RASAL2: variants seen among roughly 807,000 people sequenced by gnomAD.
RASAL2 encodes the protein RAS protein activator like 2, also known as ras GTPase-activating protein nGAP.
Under a neutral mutation model 128.9 loss-of-function variants are expected in RASAL2, and 58 were observed. The observed-to-expected ratio is 0.45, with a 90% CI of 0.36 to 0.56. RASAL2 has a LOEUF of 0.56. RASAL2 is among the 20% of genes least tolerant of loss of function. RASAL2 has a pLI of 0.00. For missense variants in RASAL2, 1,360 were observed against 1,601.6 expected, an observed-to-expected ratio of 0.85 and a Z score of 2.57; for synonymous variants, 561 against 580.8, an observed-to-expected ratio of 0.97 and a Z score of 0.49.
intron 1 of RASAL2, among the ~76,000 whole-genome samples, chr1:178,268,664 G>T (rs1666101104): frequency 6.6e-6 from 1 of 152,056 alleles, no homozygotes; most frequent in African/African-American, 2.4e-5. Context: ...TTGCTCCTTT[G>T]TCCAGGCTGA....
intron 1 of RASAL2, among the ~76,000 whole-genome samples, chr1:178,106,423 C>T (rs1439005446): frequency 6.6e-6 from 1 of 152,158 alleles, no homozygotes; most frequent in Non-Finnish European, 1.5e-5. Context: ...AAACCCAAGG[C>T]CTTTCTGTTG....
intron 1 of RASAL2, among the ~76,000 whole-genome samples, chr1:178,099,974 A>G (rs868545781): frequency 6.6e-6 from 1 of 152,042 alleles, no homozygotes; most frequent in Non-Finnish European, 1.5e-5. Context: ...AAAAAACAAA[A>G]TCATACCAAG....
chr1:178,243,264 C>A (rs2102058873), intron 1 of RASAL2, among the ~76,000 whole-genome samples: 1 of 152,274 alleles, frequency 6.6e-6, no homozygotes, highest in African/African-American at 2.4e-5. Context: ...CTACCGATCC[C>A]TGCTGGTGCT....
chr1:178,184,186 A>G (rs1662212951), intron 1 of RASAL2, among the ~76,000 whole-genome samples: 2 of 152,096 alleles, frequency 1.3e-5, no homozygotes, highest in African/African-American at 2.4e-5. Flanking sequence ...GAGTCTTTGT[A>G]TATTTTGGAT....
intron 3 of RASAL2, among the ~76,000 whole-genome samples, chr1:178,358,766 C>G (rs1670954630): frequency 6.6e-6 from 1 of 152,114 alleles, no homozygotes; most frequent in Non-Finnish European, 1.5e-5. Flanking sequence ...CCCAGAGATT[C>G]TATTCCTATG....
Position 178,459,441 on chromosome 1 carries a change from G to T in RASAL2, c.3252+897G>T, listed in dbSNP as rs879330240. ...GCATTGTATTAGTTGAATTTTTTTT[G>T]AAACCTAATGATAGTACTAAAAAAC... On this transcript the variant is annotated intron_variant, in intron 14 of 17. Transcript: ENST00000367649. 5.3e-5 allele frequency among the ~76,000 whole-genome samples: 8 copies of T among 151,406 alleles called. 1 individual carries two copies. Among genetic ancestry groups the T allele is most frequent in the Non-Finnish European group, 7.4e-5 (5 of 67,880 alleles).
intron 1 of RASAL2, among the ~76,000 whole-genome samples, chr1:178,101,202 G>T (rs1223522792): frequency 3.3e-5 from 5 of 152,096 alleles, no homozygotes; most frequent in Non-Finnish European, 5.9e-5. Context: ...GTAAACAAAA[G>T]AAATAAAAAT....
chr1:178,291,168 A>T (rs947663216), intron 2 of RASAL2, among the ~76,000 whole-genome samples: 1 of 152,204 alleles, frequency 6.6e-6, no homozygotes, highest in Admixed American at 6.5e-5. Flanking sequence ...GTATATAATG[A>T]TACAAAGTCA....
intron 1 of RASAL2, among the ~76,000 whole-genome samples, chr1:178,175,358 A>G (rs1348086205): frequency 1.3e-5 from 2 of 151,680 alleles, no homozygotes; most frequent in African/African-American, 4.8e-5. Flanking sequence ...TAGACTTCCA[A>G]ATTTCACAGG....
At chr1:178,405,812 G>A (rs1422302736) in intron 4 of RASAL2, among the ~76,000 whole-genome samples, 2 of 152,178 alleles carry the variant, frequency 1.3e-5, no homozygotes, top group Non-Finnish European at 2.9e-5. Context: ...GAAAACTGGT[G>A]AATTTAGAAT....
At chr1:178,367,133 CTG>C (rs1671444953) in intron 3 of RASAL2, among the ~76,000 whole-genome samples, 2 of 152,124 alleles carry the variant, frequency 1.3e-5, no homozygotes, top group African/African-American at 4.8e-5. Context: ...CGGAGTCTTC[CTG>C]TCTAATTAAA....
Position 178,094,365 on chromosome 1 carries a change from C to T in RASAL2, c.-128C>T, listed in dbSNP as rs1318659242. On this transcript the variant is annotated 5_prime_UTR_variant, in exon 1 of 18. Transcript: ENST00000367649. Reference sequence around the variant, plus strand: ...GGGAAGGAGGTGAGAGGTGTCCGCGCCGGCTGCCGCTCGGGTCCCTGCCCT... The same window carrying T: ...GGGAAGGAGGTGAGAGGTGTCCGCGTCGGCTGCCGCTCGGGTCCCTGCCCT... The T allele has an allele frequency of 1.1e-6, 1 of 880,710 alleles. No homozygotes were observed. The highest frequency in any genetic ancestry group is 1.6e-6 in the Non-Finnish European group (1 of 610,306). 54.6% of individuals were successfully genotyped at this position (880,710 alleles called of 1,614,324 possible).
chr1:178,442,595 G>T, intron 7 of RASAL2, 80 bp from the exon 8 acceptor site: 1 of 1,246,124 alleles, frequency 8.0e-7, no homozygotes. Flanking sequence ...AGTACCTAAT[G>T]AACATTGCCA....
At chr1:178,393,480 G>A (rs1184325152) in intron 4 of RASAL2, among the ~76,000 whole-genome samples, 5 of 152,178 alleles carry the variant, frequency 3.3e-5, no homozygotes, top group Non-Finnish European at 7.3e-5. Context: ...TGATCTGACA[G>A]GAGGCAGAGC....
At chr1:178,171,480 G>C (rs944961413) in intron 1 of RASAL2, among the ~76,000 whole-genome samples, 1 of 152,094 alleles carries the variant, frequency 6.6e-6, no homozygotes, top group Non-Finnish European at 1.5e-5. Context: ...CTAGTAGTTA[G>C]TAGTTTTGAG....
chr1:178,113,484 G>T (rs551410347), intron 1 of RASAL2, among the ~76,000 whole-genome samples: 1 of 151,008 alleles, frequency 6.6e-6, no homozygotes, highest in South Asian at 2.1e-4. Flanking sequence ...TTGTGTATGT[G>T]TATGTGTGTG....
intron 1 of RASAL2, among the ~76,000 whole-genome samples, chr1:178,281,783 A>T (rs1482174386): frequency 2.0e-5 from 3 of 152,062 alleles, no homozygotes; most frequent in African/African-American, 7.2e-5. Flanking sequence ...TTGGTATTTG[A>T]CTCTAAAAAT....
chr1:178,359,966 A>G (rs1274594522), intron 3 of RASAL2, among the ~76,000 whole-genome samples: 1 of 152,204 alleles, frequency 6.6e-6, no homozygotes, highest in African/African-American at 2.4e-5. Flanking sequence ...GTCCCACAAC[A>G]CATGAGTCTG....
chr1:178,279,463 T>C (rs1452509648), intron 1 of RASAL2, among the ~76,000 whole-genome samples: 1 of 152,144 alleles, frequency 6.6e-6, no homozygotes, highest in African/African-American at 2.4e-5. Flanking sequence ...TTAAGACCTC[T>C]GGTCTTTCCC....
Sources: allele counts gnomAD v4.1 joint callset (sites outside exome capture counted in the v4.1 genomes callset), GRCh38; gene constraint gnomAD v4.1.1; transcripts MANE v1.5; gene names NCBI Gene and HGNC (gene_info 2026-07-23, HGNC 2026-07-21).